Variants in PPM1L observed in about 807,000 individuals in gnomAD.
PPM1L encodes the protein protein phosphatase, Mg2+/Mn2+ dependent 1L.
PPM1L carries 13 observed loss-of-function variants against 31.4 expected under a neutral mutation model. That is an observed-to-expected ratio of 0.41 (90% CI 0.27 to 0.66). PPM1L has a LOEUF of 0.66. Ranked by LOEUF, PPM1L falls within the 30% of genes least tolerant of loss-of-function variation. The pLI is 0.29. For synonymous variants in PPM1L, 184 were observed against 175.4 expected, an observed-to-expected ratio of 1.05 and a Z score of -0.39; for missense variants, 326 against 453.7, an observed-to-expected ratio of 0.72 and a Z score of 2.56.
intron 1 of PPM1L, among the ~76,000 whole-genome samples, chr3:160,953,040 ACCAT>A (rs1253549179): frequency 6.6e-5 from 10 of 152,182 alleles, no homozygotes; most frequent in Admixed American, 4.6e-4. Flanking sequence ...CACTCTGTAG[ACCAT>A]CCATAAGGCA....
intron 1 of PPM1L, among the ~76,000 whole-genome samples, chr3:160,830,762 T>C (rs1019138498): frequency 6.6e-6 from 1 of 152,170 alleles, no homozygotes; most frequent in African/African-American, 2.4e-5. Context: ...TGGTGTTATG[T>C]TTTCTCTTGC....
At chr3:161,052,275 T>A (rs1719301458) in intron 2 of PPM1L, among the ~76,000 whole-genome samples, 1 of 152,204 alleles carries the variant, frequency 6.6e-6, no homozygotes, top group Non-Finnish European at 1.5e-5. Flanking sequence ...GATCCTCACA[T>A]CAAAGACTCC....
At chr3:161,038,831 T>C (rs1359758607) in intron 2 of PPM1L, among the ~76,000 whole-genome samples, 2 of 152,046 alleles carry the variant, frequency 1.3e-5, no homozygotes, top group Non-Finnish European at 2.9e-5. Flanking sequence ...CCGGGCTGCA[T>C]TCCCAGGCAG....
chr3:160,855,008 G>A (rs2108116090), intron 1 of PPM1L, among the ~76,000 whole-genome samples: 2 of 151,278 alleles, frequency 1.3e-5, no homozygotes, highest in South Asian at 4.2e-4. Context: ...ACAGCATGGT[G>A]CTGGTTTAAA....
At chr3:160,766,986 C>T (rs77955843) in intron 1 of PPM1L, among the ~76,000 whole-genome samples, 2,273 of 151,846 alleles carry the variant, frequency 0.015, 62 homozygotes, top group African/African-American at 0.052. Context: ...AGATGTACAC[C>T]GTACAGTGTT....
chr3:160,982,808 A>G (rs115031158), intron 2 of PPM1L, among the ~76,000 whole-genome samples: 1,867 of 152,260 alleles, frequency 0.012, 41 homozygotes, highest in African/African-American at 0.043. Flanking sequence ...TCTGTTCCTA[A>G]AGAAAACAAC....
chr3:160,872,114 T>C (rs532858456), intron 1 of PPM1L, among the ~76,000 whole-genome samples: 3 of 152,300 alleles, frequency 2.0e-5, no homozygotes, highest in Non-Finnish European at 4.4e-5. Flanking sequence ...TAGTGTGCAC[T>C]GTAGCTAACA....
At chr3:160,958,621 T>C (rs1003510542) in intron 1 of PPM1L, among the ~76,000 whole-genome samples, 2 of 152,228 alleles carry the variant, frequency 1.3e-5, no homozygotes, top group Non-Finnish European at 2.9e-5. Flanking sequence ...GTTGCACAAA[T>C]GTGCTGAGTC....
At chr3:160,999,877 A>G (rs966177580) in intron 2 of PPM1L, among the ~76,000 whole-genome samples, 1 of 152,262 alleles carries the variant, frequency 6.6e-6, no homozygotes, top group Non-Finnish European at 1.5e-5. Flanking sequence ...AATTCTAATT[A>G]CTACCCTAAA....
At chr3:160,779,117 CTG>C (rs971847392) in intron 1 of PPM1L, among the ~76,000 whole-genome samples, 1 of 131,264 alleles carries the variant, frequency 7.6e-6, no homozygotes, top group Non-Finnish European at 1.6e-5. Context: ...AAAAAAAAAA[CTG>C]TGTAAACGCT....
intron 1 of PPM1L, among the ~76,000 whole-genome samples, chr3:160,890,933 T>G (rs1309564492): frequency 6.6e-6 from 1 of 152,202 alleles, no homozygotes; most frequent in Non-Finnish European, 1.5e-5. Flanking sequence ...TGCAGAAAAC[T>G]GAAACTGGAC....
intron 1 of PPM1L, among the ~76,000 whole-genome samples, chr3:160,945,113 TTATCTATCTATCTATCTATCTATC>T (rs58013795): frequency 1.3e-3 from 74 of 56,256 alleles, no homozygotes; most frequent in South Asian, 4.3e-3. Context: ...AACATATATG[TTATCTATCTATCTATCTATCTATC>T]TATCTATCTA....
rs141466458 is a variant in PPM1L, at chr3:160,840,243, T to C, written c.399+83536T>C. ...GTGCAGCCTTAAGAATACAATGAAA[T>C]TGAGATATTTCTGGAATTTTCCTGG... is the stretch of plus-strand genomic sequence containing the variant. On this transcript the variant is annotated intron_variant, in intron 1 of 3. Coordinates refer to ENST00000498165, the MANE Select transcript of PPM1L (RefSeq NM_139245.4). Among the ~76,000 whole-genome samples, 640 of 152,236 alleles carry C rather than the reference T, an allele frequency of 4.2e-3. 2 individuals carry two copies. The highest frequency in any genetic ancestry group is 0.015 in the African/African-American group (622 of 41,554).
At chr3:161,063,787 A>G (rs555321583) in intron 2 of PPM1L, among the ~76,000 whole-genome samples, 88 of 152,360 alleles carry the variant, frequency 5.8e-4, no homozygotes, top group African/African-American at 2.0e-3. Flanking sequence ...CATCAATGAT[A>G]GACTGGATAA....
intron 1 of PPM1L, among the ~76,000 whole-genome samples, chr3:160,769,653 A>G (rs928384152): frequency 6.6e-6 from 1 of 151,928 alleles, no homozygotes; most frequent in African/African-American, 2.4e-5. Context: ...TATTCACTAT[A>G]GTTAATGCTG....
At chr3:160,790,246 A>G (rs572802753) in intron 1 of PPM1L, among the ~76,000 whole-genome samples, 6 of 152,236 alleles carry the variant, frequency 3.9e-5, no homozygotes, top group East Asian at 1.9e-4. Context: ...ACGCTGATAA[A>G]TGATTTGTTT....
At chr3:160,944,851 C>CAT (rs1307312476) in intron 1 of PPM1L, among the ~76,000 whole-genome samples, 1 of 32,804 alleles carries the variant, frequency 3.0e-5, no homozygotes, top group Non-Finnish European at 7.9e-5. Flanking sequence ...TTATATATAA[C>CAT]ATATATTATA....
intron 1 of PPM1L, among the ~76,000 whole-genome samples, chr3:160,941,908 T>C (rs1206396926): frequency 6.6e-6 from 1 of 152,230 alleles, no homozygotes; most frequent in Non-Finnish European, 1.5e-5. Flanking sequence ...AAAGAATGAA[T>C]ACTTGAATGA....
intron 2 of PPM1L, among the ~76,000 whole-genome samples, chr3:161,016,773 A>T (rs1214873567): frequency 3.3e-5 from 5 of 152,194 alleles, no homozygotes; most frequent in Non-Finnish European, 5.9e-5. Context: ...AGCTTTCCTA[A>T]TTCTCAATTT....
Sources: allele counts gnomAD v4.1 joint callset (sites outside exome capture counted in the v4.1 genomes callset), GRCh38; gene constraint gnomAD v4.1.1; transcripts MANE v1.5; gene names NCBI Gene and HGNC (gene_info 2026-07-23, HGNC 2026-07-21).